Variants in SHLD1 observed in about 807,000 individuals in gnomAD.
The protein encoded by SHLD1 is RINN1-REV7-interacting novel NHEJ regulator 3.
In SHLD1, 3 loss-of-function variants were observed where a neutral mutation model predicts 5.5. The ratio of observed to expected loss-of-function variants is 0.54; its 90% CI spans 0.25 to 1.40. The LOEUF is 1.40. SHLD1 is among the 40% of genes most tolerant of loss of function. SHLD1 has a pLI of 0.15. For synonymous variants in SHLD1, 92 were observed against 94.3 expected (o/e 0.98, Z 0.14); for missense variants, 210 against 244.4 (o/e 0.86, Z 0.94).
chr20:5,801,762 C>T (rs1252055272), intron 2 of SHLD1, among the ~76,000 whole-genome samples: 2 of 152,106 alleles, frequency 1.3e-5, no homozygotes, highest in African/African-American at 4.8e-5. Context: ...AGTACTCTCA[C>T]AGGAATAACC....
intron 1 of SHLD1, among the ~76,000 whole-genome samples, chr20:5,755,296 TCTCTGAG>T (rs1984010451): frequency 6.6e-6 from 1 of 152,110 alleles, no homozygotes; most frequent in Admixed American, 6.6e-5. Context: ...CTAGCATTAC[TCTCTGAG>T]CTCTGCCTCC....
Position 5,852,415 on chromosome 20 carries a change from CCCTTCCTTCCTT to C in SHLD1, c.179-10591_179-10580del, listed in dbSNP as rs71334360. ...CTTCCTTTCCTTCCTTCCTTTCCCT[CCCTTCCTTCCTT>C]CCTTCCTTCCTTCCTTCTCTCTCTC... On this transcript the variant is annotated intron_variant, in intron 2 of 2. Transcript: ENST00000303142. Among the ~76,000 whole-genome samples the C allele has an allele frequency of 5.3e-5, 8 of 150,104 alleles. No homozygotes were observed. In the South Asian group the frequency reaches 8.4e-4, roughly 16 times the overall value.
chr20:5,759,009 C>T (rs1417197485), intron 1 of SHLD1, among the ~76,000 whole-genome samples: 2 of 140,566 alleles, frequency 1.4e-5, no homozygotes, highest in Non-Finnish European at 3.0e-5. Flanking sequence ...GGATAGAGTG[C>T]AATGGCGCGA....
intron 1 of SHLD1, among the ~76,000 whole-genome samples, chr20:5,767,804 C>T (rs1984925131): frequency 6.6e-6 from 1 of 152,082 alleles, no homozygotes; most frequent in South Asian, 2.1e-4. Flanking sequence ...ATGCTGAATC[C>T]ACTAAGCCAC....
At chr20:5,857,612 C>T (rs539891904) in intron 2 of SHLD1, among the ~76,000 whole-genome samples, 68 of 152,040 alleles carry the variant, frequency 4.5e-4, no homozygotes, top group African/African-American at 1.4e-3. Flanking sequence ...AGTTTGAGAT[C>T]AGCCTGGGCA....
At chr20:5,776,588 C>A (rs1985439089) in intron 2 of SHLD1, among the ~76,000 whole-genome samples, 1 of 150,306 alleles carries the variant, frequency 6.7e-6, no homozygotes, top group Non-Finnish European at 1.5e-5. Flanking sequence ...CATGGTAAAA[C>A]CCTGTCTCTA....
At chr20:5,838,047 T>G (rs1490894754) in intron 2 of SHLD1, among the ~76,000 whole-genome samples, 1 of 152,240 alleles carries the variant, frequency 6.6e-6, no homozygotes, top group Non-Finnish European at 1.5e-5. Flanking sequence ...ACGTAGTACA[T>G]TTAGTAGCGA....
At chr20:5,831,766 T>A (rs1248840299) in intron 2 of SHLD1, among the ~76,000 whole-genome samples, 2 of 152,196 alleles carry the variant, frequency 1.3e-5, no homozygotes, top group Non-Finnish European at 2.9e-5. Context: ...CTTGTTTACA[T>A]GTTCATTGTA....
At chr20:5,770,327 C>T (rs563334103) in intron 1 of SHLD1, among the ~76,000 whole-genome samples, 1 of 152,310 alleles carries the variant, frequency 6.6e-6, no homozygotes, top group South Asian at 2.1e-4. Context: ...TAATTTTGTG[C>T]TTTAATGTCA....
intron 2 of SHLD1, among the ~76,000 whole-genome samples, chr20:5,776,170 A>T (rs1258947518): frequency 6.6e-6 from 1 of 151,582 alleles, no homozygotes; most frequent in Non-Finnish European, 1.5e-5. Context: ...CAAGTGATCC[A>T]CCCGCTGTGG....
chr20:5,769,953 G>A (rs897415509), intron 1 of SHLD1, among the ~76,000 whole-genome samples: 3 of 144,336 alleles, frequency 2.1e-5, no homozygotes, highest in Non-Finnish European at 4.5e-5. Flanking sequence ...GCAGTGAGCC[G>A]AGATTGTGCC....
chr20:5,835,248 G>A (rs915043649), intron 2 of SHLD1, among the ~76,000 whole-genome samples: 3 of 152,122 alleles, frequency 2.0e-5, no homozygotes, highest in Admixed American at 6.6e-5. Flanking sequence ...GATTCTTCCC[G>A]CTAGTTGTGT....
chr20:5,845,597 G>A (rs1400311114), intron 2 of SHLD1, among the ~76,000 whole-genome samples: 1 of 152,218 alleles, frequency 6.6e-6, no homozygotes, highest in Non-Finnish European at 1.5e-5. Context: ...GAATACCTTT[G>A]CGAAAACTGC....
At position 5,772,877 on chromosome 20, in the gene SHLD1, G is replaced by C; in HGVS notation, c.12G>C (p.Arg4Ser). 6.2e-7 allele frequency: 1 copy of C among 1,612,664 alleles called. No individual in the cohort carries two copies. Among genetic ancestry groups the C allele is most frequent in the East Asian group, 2.2e-5 (1 of 44,848 alleles). Residue 4 changes from arginine to serine, a missense_variant, in exon 2 of 3, where the codon AGG becomes AGC. Arg to Ser is a moderately radical substitution (Grantham distance 110, BLOSUM62 -1). Coordinates refer to ENST00000303142, the MANE Select transcript of SHLD1 (RefSeq NM_152504.4). The stretch of plus-strand genomic sequence containing the variant: ...TCCATGGCAGGACTATGGCAGCCAG[G>C]GACGCCACTTCAGGCAGCCTGTCAG... Reference protein sequence around the residue: MAARDATSGSLSEE... With the variant: MAASDATSGSLSEE...
chr20:5,834,212 C>T (rs2087763310), intron 2 of SHLD1, among the ~76,000 whole-genome samples: 1 of 152,168 alleles, frequency 6.6e-6, no homozygotes, highest in Non-Finnish European at 1.5e-5. Flanking sequence ...AAAAGAGCTC[C>T]CTGCCTCCAG....
chr20:5,757,396 T>C (rs1984180306), intron 1 of SHLD1, among the ~76,000 whole-genome samples: 1 of 152,104 alleles, frequency 6.6e-6, no homozygotes, highest in South Asian at 2.1e-4. Context: ...TTTATTTTTT[T>C]ACTTAGCAAC....
chr20:5,829,277 C>T (rs1013025843), intron 2 of SHLD1, among the ~76,000 whole-genome samples: 7 of 152,266 alleles, frequency 4.6e-5, no homozygotes, highest in Admixed American at 4.6e-4. Context: ...CAGAAAGTAG[C>T]AACATAGCCT....
At chr20:5,807,874 T>C (rs1487605202) in intron 2 of SHLD1, among the ~76,000 whole-genome samples, 4 of 152,218 alleles carry the variant, frequency 2.6e-5, no homozygotes, top group African/African-American at 4.8e-5. Flanking sequence ...GGTGGGTATA[T>C]GTATCATTGT....
chr20:5,771,699 C>A (rs540922626), intron 1 of SHLD1, among the ~76,000 whole-genome samples: 26 of 151,872 alleles, frequency 1.7e-4, no homozygotes, highest in African/African-American at 6.3e-4. Flanking sequence ...ACTACAACCT[C>A]CGTGTGGCTA....
Sources: gnomAD v4.1 joint callset for allele counts (sites outside exome capture counted in the v4.1 genomes callset) on GRCh38, gnomAD v4.1.1 for gene constraint, MANE v1.5 for transcripts, NCBI Gene and HGNC (gene_info 2026-07-23, HGNC 2026-07-21) for gene names.